The following SLC29A1 variants were observed in gnomAD, a reference collection of about 807,000 sequenced individuals.
SLC29A1 encodes equilibrative nucleoside transporter 1.
A neutral mutation model predicts 48.3 loss-of-function variants in SLC29A1; 22 were observed. The ratio of observed to expected loss-of-function variants is 0.46; its 90% CI spans 0.33 to 0.65. The LOEUF (loss-of-function observed/expected upper bound fraction) is 0.65. SLC29A1 is among the 30% of genes least tolerant of loss of function. The pLI is 0.03. For synonymous variants in SLC29A1, 228 were observed against 231.0 expected (o/e 0.99, Z 0.12); for missense variants, 491 against 575.3 (o/e 0.85, Z 1.50).
At chr6:44,231,627 T>G (rs1396505611) in intron 9 of SLC29A1, among the ~76,000 whole-genome samples, 166 bp downstream of exon 9, 1 of 151,930 alleles carries the variant, frequency 6.6e-6, no homozygotes, top group Non-Finnish European at 1.5e-5. Flanking sequence ...GGGGTGGGGA[T>G]TCGTGGTTCC....
rs1776786256 is a variant in SLC29A1 at position 44,223,723 on chromosome 6, A to G, written c.-52+82A>G. The stretch of plus-strand genomic sequence containing the variant: ...TGCCCGCCTGCCACGGAGGGCAGGG[A>G]GGGCGGGCCTGACGGCTCCGCAGCC... On this transcript the variant is annotated intron_variant, in intron 1 of 12. Coordinates refer to ENST00000371755, the MANE Select transcript of SLC29A1 (RefSeq NM_001372327.1). This position sits in a 1 kb window ranked among gnomAD's most constrained non-coding sequence, Gnocchi z 5.0. 3.7e-6 allele frequency: 4 copies of G among 1,070,736 alleles called. No individual in the cohort carries two copies. The highest frequency in any genetic ancestry group is 9.1e-4 in the Middle Eastern group (2 of 2,196). The allele number at this position is 1,070,736 out of a possible 1,614,324, so 66.3% of individuals were successfully genotyped here.
chr6:44,220,240 C>T (rs769791916), upstream of SLC29A1, among the ~76,000 whole-genome samples: 43 of 152,028 alleles, frequency 2.8e-4, no homozygotes, highest in Admixed American at 1.0e-3. Context: ...GGCAGTGGTG[C>T]GATCACAGCC....
rs1470760593 is a variant in SLC29A1 at position 44,223,875 on chromosome 6, G to C, written c.-52+234G>C. 3 of 998,264 alleles carry C rather than the reference G, an allele frequency of 3.0e-6. No individual in the cohort carries two copies. The African/African-American group carries it at 5.2e-5, about 17-fold the overall frequency. 61.8% of individuals were successfully genotyped at this position (998,264 alleles called of 1,614,324 possible). A position where few individuals can be genotyped will look rare whatever the true frequency, so the allele number is the denominator to read the frequency against. The stretch of plus-strand genomic sequence containing the variant: ...GACCCAAGCTGGGCGGGGCGGCCTG[G>C]CTCCCGGGCCTAAAACAGGCTGCGG... On this transcript the variant is annotated intron_variant, in intron 1 of 12. Transcript: ENST00000371755. This position sits in a 1 kb window ranked among gnomAD's most constrained non-coding sequence, Gnocchi z 5.0.
chr6:44,223,462 G>GC (rs1178860573), upstream of SLC29A1: 4 of 877,336 alleles, frequency 4.6e-6, no homozygotes, highest in African/African-American at 7.3e-5. This position sits in a 1 kb window ranked among gnomAD's most constrained non-coding sequence, Gnocchi z 5.0. Context: ...CGGAGCGCGC[G>GC]GAGTCGCCGC....
chr6:44,230,276 G>A (rs1195473429), intron 5 of SLC29A1, 71 bp from the exon 6 acceptor site: 3 of 1,570,050 alleles, frequency 1.9e-6, no homozygotes, highest in South Asian at 2.3e-5. Context: ...GGAATGACAG[G>A]GATCTGTCTT....
upstream of SLC29A1, among the ~76,000 whole-genome samples, chr6:44,220,501 G>A (rs1776227704): frequency 6.6e-6 from 1 of 151,698 alleles, no homozygotes; most frequent in Non-Finnish European, 1.5e-5. Flanking sequence ...GTCTTGATTT[G>A]TAGACATTGC....
rs760426338 is a variant in SLC29A1 at position 44,229,958 on chromosome 6, G to A, written c.366G>A (p.Val122=). 2 of 1,613,390 alleles carry A rather than the reference G, an allele frequency of 1.2e-6. No homozygotes were observed. Among genetic ancestry groups the A allele is most frequent in the Non-Finnish European group, 1.7e-6 (2 of 1,180,006 alleles). ...ILGSLVAILL[V]FLITAILVKV... Reference sequence around the variant, plus strand: ...GCAGCCTGGTGGCCATCCTGCTGGTGTTTCTGATCACTGCCATCCTGGTGA... The same window carrying A: ...GCAGCCTGGTGGCCATCCTGCTGGTATTTCTGATCACTGCCATCCTGGTGA... Residue 122 remains valine, a synonymous_variant, in exon 5 of 13, where the codon GTG becomes GTA. Transcript: ENST00000371755. The surrounding 1 kb of genome is among the most constrained non-coding windows in gnomAD (Gnocchi z 5.1).
chr6:44,233,512 TC>T lies in SLC29A1; in HGVS notation c.1357del (p.Arg453GlyfsTer39). 1 of 1,613,806 alleles carries T rather than the reference TC, an allele frequency of 6.2e-7. No individual in the cohort carries two copies. The highest frequency in any genetic ancestry group is 1.7e-5 in the Admixed American group (1 of 60,014). ...CTGGGGGCTGTTTTCTCCTTCCTGT[TC>T]CGGGCAATTGTGTGACAAAGGATGG... ...LALGAVFSFL[F>X]RAIV On this transcript the variant is annotated frameshift_variant, in exon 13 of 13. Transcript: ENST00000371755. LOFTEE classifies it high-confidence loss of function.
chr6:44,223,655 C>A lies in SLC29A1; in HGVS notation c.-52+14C>A. ...CTTCTGCGGCAGGTGCTGCCCGGGGCCGGGGACTGGGGACTGGGGACTGCC... is the reference window on the plus strand; with the variant it reads ...CTTCTGCGGCAGGTGCTGCCCGGGGACGGGGACTGGGGACTGGGGACTGCC... On this transcript the variant is annotated intron_variant, in intron 1 of 12. Coordinates refer to ENST00000371755, the MANE Select transcript of SLC29A1 (RefSeq NM_001372327.1). The surrounding 1 kb of genome is among the most constrained non-coding windows in gnomAD (Gnocchi z 5.0). 2 of 1,200,844 alleles carry A rather than the reference C, an allele frequency of 1.7e-6. No individual in the cohort carries two copies. Among genetic ancestry groups the A allele is most frequent in the South Asian group, 1.4e-5 (1 of 70,586 alleles). The allele number at this position is 1,200,844 out of a possible 1,614,324, so 74.4% of individuals were successfully genotyped here.
chr6:44,220,344 A>ATT (rs3997542), upstream of SLC29A1, among the ~76,000 whole-genome samples: 32,167 of 126,344 alleles, frequency 0.25, 4,585 homozygotes, highest in Middle Eastern at 0.42. Context: ...TGCTCAGCTA[A>ATT]TTTTTTTTTT....
intron 2 of SLC29A1, among the ~76,000 whole-genome samples, chr6:44,228,864 A>C (rs900196878): frequency 1.3e-5 from 2 of 152,228 alleles, no homozygotes; most frequent in African/African-American, 4.8e-5. Flanking sequence ...CTCTCTTCAC[A>C]GCGGCCCTGA....
upstream of SLC29A1, chr6:44,221,729 C>T (rs1172996877): frequency 2.0e-6 from 2 of 1,017,446 alleles, no homozygotes; most frequent in Non-Finnish European, 2.7e-6. This position sits in a 1 kb window ranked among gnomAD's most constrained non-coding sequence, Gnocchi z 4.2. Context: ...GCCCTGGCAC[C>T]CAGCAACCTC....
At chr6:44,219,750 C>G (rs1289937497), upstream of SLC29A1, 3 of 1,288,772 alleles carry the variant, frequency 2.3e-6, no homozygotes, top group Admixed American at 2.3e-5. Flanking sequence ...CGTCCCCCAC[C>G]AAGTCCGGAT....
Position 44,232,675 on chromosome 6 carries a change from A to G in SLC29A1, c.1060-132A>G. On this transcript the variant is annotated intron_variant, in intron 11 of 12. Coordinates refer to ENST00000371755, the MANE Select transcript of SLC29A1 (RefSeq NM_001372327.1). The surrounding 1 kb of genome is among the most constrained non-coding windows in gnomAD (Gnocchi z 4.7). ...AGAAGGCTCCACCATGCCCCTTTCA[A>G]GAGTAACCCCCTAAGGAGAACCAGG... The G allele has an allele frequency of 1.2e-6, 1 of 831,412 alleles. No individual in the cohort carries two copies. The highest frequency in any genetic ancestry group is 2.2e-5 in the Admixed American group (1 of 44,984). The allele number at this position is 831,412 out of a possible 1,614,324, so 51.5% of individuals were successfully genotyped here. A position where few individuals can be genotyped will look rare whatever the true frequency, so the allele number is the denominator to read the frequency against.
intron 2 of SLC29A1, among the ~76,000 whole-genome samples, chr6:44,228,623 G>A (rs1778120017): frequency 6.6e-6 from 1 of 152,260 alleles, no homozygotes; most frequent in South Asian, 2.1e-4. Flanking sequence ...ATCTACATGG[G>A]CCGGGCTGGG....
chr6:44,229,329 C>A lies in SLC29A1; in HGVS notation c.30-61C>A. 2 of 1,299,294 alleles carry A rather than the reference C, an allele frequency of 1.5e-6. No homozygotes were observed. Among genetic ancestry groups the A allele is most frequent in the Non-Finnish European group, 2.2e-6 (2 of 892,528 alleles). The allele number at this position is 1,299,294 out of a possible 1,614,324, so 80.5% of individuals were successfully genotyped here. On this transcript the variant is annotated intron_variant, in intron 2 of 12. Coordinates refer to ENST00000371755, the MANE Select transcript of SLC29A1 (RefSeq NM_001372327.1). The surrounding 1 kb of genome is among the most constrained non-coding windows in gnomAD (Gnocchi z 5.1). ...ACAACGGACAGGGGCTTTCCTGGGGCTCATTGTGGAGTGGGGCAGGATGGT... is the reference window on the plus strand; with the variant it reads ...ACAACGGACAGGGGCTTTCCTGGGGATCATTGTGGAGTGGGGCAGGATGGT...
At chr6:44,224,183 A>C (rs693955) in intron 1 of SLC29A1, among the ~76,000 whole-genome samples, 128,995 of 152,060 alleles carry the variant, frequency 0.85, 55,202 homozygotes, top group African/African-American at 0.96. Flanking sequence ...GGTGAAGACA[A>C]ACAGTCCTCG....
chr6:44,231,964 C>T lies in SLC29A1; in HGVS notation c.865-34C>T, dbSNP rs1465289155. 3.4e-6 allele frequency: 5 copies of T among 1,470,546 alleles called. No individual in the cohort carries two copies. In the African/African-American group the frequency reaches 4.2e-5, roughly 12 times the overall value. The allele number at this position is 1,470,546 out of a possible 1,614,324, so 91.1% of individuals were successfully genotyped here. A position where few individuals can be genotyped will look rare whatever the true frequency, so the allele number is the denominator to read the frequency against. Reference sequence around the variant, plus strand: ...TTAATGCACAGCCACCATGAAGACACAGGCATTTGGGTGACTCTACCCCTT... The same window carrying T: ...TTAATGCACAGCCACCATGAAGACATAGGCATTTGGGTGACTCTACCCCTT... On this transcript the variant is annotated intron_variant, in intron 9 of 12. Transcript: ENST00000371755.
chr6:44,223,584 A>T (rs770979515), upstream of SLC29A1: 1 of 1,210,182 alleles, frequency 8.3e-7, no homozygotes, highest in South Asian at 1.4e-5. This position sits in a 1 kb window ranked among gnomAD's most constrained non-coding sequence, Gnocchi z 5.0. Context: ...CCGGCGGGAG[A>T]GGGAAGCTGC....
Sources: allele counts gnomAD v4.1 joint callset (sites outside exome capture counted in the v4.1 genomes callset), GRCh38; gene constraint gnomAD v4.1.1; non-coding constraint Gnocchi (gnomAD v3.1); transcripts MANE v1.5; gene names NCBI Gene and HGNC (gene_info 2026-07-23, HGNC 2026-07-21).